The following TAF6 variants were observed in gnomAD, a reference collection of about 807,000 sequenced individuals.
TAF6 encodes transcription initiation factor TFIID subunit 6.
TAF6 carries 50 observed loss-of-function variants against 73.5 expected under a neutral mutation model. The ratio of observed to expected loss-of-function variants is 0.68; its 90% CI spans 0.54 to 0.86. TAF6 has a LOEUF of 0.86. Among genes scored for constraint, TAF6 ranks in the 40% least tolerant of loss-of-function variants. The pLI is 0.00. For synonymous variants in TAF6, 424 were observed against 376.7 expected, an observed-to-expected ratio of 1.13 and a Z score of -1.45; for missense variants, 768 against 899.5, an observed-to-expected ratio of 0.85 and a Z score of 1.87.
At chr7:100,113,035 C>T (rs879567499) in intron 5 of TAF6, 118 bp from the exon 6 acceptor site, 117 of 1,406,174 alleles carry the variant, frequency 8.3e-5, no homozygotes, top group Non-Finnish European at 1.1e-4. Context: ...GAGGCCAAGG[C>T]GGGTGGATCA....
Position 100,110,093 on chromosome 7 carries a change from C to A in TAF6, c.1159-20G>T. The A allele has an allele frequency of 6.2e-7, 1 of 1,613,990 alleles. No individual in the cohort carries two copies. The highest frequency in any genetic ancestry group is 8.5e-7 in the Non-Finnish European group (1 of 1,179,974). ...GATAACCTGTTAGAAGGGAAAAGGA[C>A]AAGCAAAAGCCGGAGGGTCACCAGG... On this transcript the variant is annotated intron_variant, in intron 11 of 14. Coordinates refer to ENST00000453269, the MANE Select transcript of TAF6 (RefSeq NM_139315.3).
chr7:100,110,030 TC>T lies in TAF6; in HGVS notation c.1201del (p.Glu401SerfsTer12), dbSNP rs752460213. On this transcript the variant is annotated frameshift_variant, in exon 12 of 15. Transcript: ENST00000453269. LOFTEE classifies it high-confidence loss of function. ...GCCGTCCAGCACACTGCGGATCCGC[TC>T]CCCTTCCTGCTGCAGCCGGGGCAGA... The part of the protein sequence containing the change: ...LILPRLQQEG[E>X]RIRSVLDGPV... 5.6e-6 allele frequency: 9 copies of T among 1,614,022 alleles called. No individual in the cohort carries two copies. Among genetic ancestry groups the T allele is most frequent in the Non-Finnish European group, 7.6e-6 (9 of 1,180,010 alleles).
the TAF6 span, chr7:100,125,308 A>G: frequency 1.1e-4 from 19 of 167,736 alleles, no homozygotes; most frequent in Admixed American, 5.5e-4. Context: ...ATCTATATAC[A>G]TTGCCTGTAT....
At chr7:100,122,450 C>T, upstream of TAF6, 1 of 1,614,080 alleles carries the variant, frequency 6.2e-7, no homozygotes, top group South Asian at 1.1e-5. Flanking sequence ...CTACAGCATC[C>T]AGGGAATCTT....
the TAF6 span, among the ~76,000 whole-genome samples, chr7:100,126,367 G>A: frequency 1.3e-5 from 2 of 152,058 alleles, no homozygotes; most frequent in African/African-American, 2.4e-5. Flanking sequence ...AAATTTAGAG[G>A]GGCGTGCACG....
At chr7:100,119,638 C>T (rs1205102745), upstream of TAF6, 29 of 1,602,544 alleles carry the variant, frequency 1.8e-5, no homozygotes, top group African/African-American at 3.6e-4. Context: ...GCCGACCTTC[C>T]TCGGCTGGAT....
chr7:100,122,049 GAAAAA>G (rs111511573), upstream of TAF6: 56 of 314,286 alleles, frequency 1.8e-4, no homozygotes, highest in African/African-American at 1.0e-3. Context: ...GAGTCCGTCT[GAAAAA>G]AAAAAAAAAA....
chr7:100,107,646 C>G (rs769752012), intron 14 of TAF6, 23 bp from the exon 15 acceptor site: 1 of 1,605,274 alleles, frequency 6.2e-7, no homozygotes, highest in Non-Finnish European at 8.5e-7. Context: ...GAAAGGCAGG[C>G]CGCTTGCCCT....
rs771558018 is a variant in TAF6, at chr7:100,107,365, T to G, written c.1915A>C (p.Ser639Arg). 2 of 1,575,652 alleles carry G rather than the reference T, an allele frequency of 1.3e-6. No homozygotes were observed. Among genetic ancestry groups the G allele is most frequent in the Non-Finnish European group, 1.7e-6 (2 of 1,157,948 alleles). The change falls in exon 15 of 15, where the codon AGC (serine) becomes CGC (arginine). Residue 639 changes from serine to arginine, a missense_variant. Transcript: ENST00000453269. ...PPPASSPSPL[S>R]GSALCGGKQE... ...TTCCCCCCACAAAGGGCACTGCCGC[T>G]GAGTGGGGACGGGGACGATGCCGGG...
upstream of TAF6, chr7:100,122,728 G>A: frequency 6.3e-7 from 1 of 1,579,854 alleles, no homozygotes; most frequent in Non-Finnish European, 8.6e-7. Flanking sequence ...TGGCAGAAAG[G>A]GGAAGGGAGG....
At chr7:100,111,689 C>G (rs201797100) in intron 9 of TAF6, 39 bp downstream of exon 9, 1 of 1,602,244 alleles carries the variant, frequency 6.2e-7, no homozygotes, top group East Asian at 2.2e-5. Flanking sequence ...GCAGCAGGGT[C>G]CCTAGTCCCT....
At position 100,108,531 on chromosome 7, in the gene TAF6, C is replaced by T. The variant is rs1796812559; in HGVS notation, c.1294G>A (p.Ala432Thr). The part of the protein sequence containing the change: ...HVQSLLLKHC[A>T]PVLAKLRPPP... The stretch of plus-strand genomic sequence containing the variant: ...GGGCGCAGCTTTGCCAGAACAGGAG[C>T]ACAGTGTTTCTGCAGAACAGAAAAA... The change falls in exon 13 of 15, where the codon GCT becomes ACT. Residue 432 changes from alanine to threonine, a missense_variant. Coordinates refer to ENST00000453269, the MANE Select transcript of TAF6 (RefSeq NM_139315.3). 6.2e-7 allele frequency: 1 copy of T among 1,607,432 alleles called. No individual in the cohort carries two copies. Among genetic ancestry groups the T allele is most frequent in the African/African-American group, 1.3e-5 (1 of 74,744 alleles).
At chr7:100,112,720 CAA>C in intron 6 of TAF6, 76 bp downstream of exon 6, 3 of 1,460,412 alleles carry the variant, frequency 2.1e-6, no homozygotes, top group Non-Finnish European at 1.8e-6. Flanking sequence ...GTCTCAAAAA[CAA>C]AAAAAAAGGA....
At chr7:100,109,456 A>G (rs1472070673) in intron 12 of TAF6, among the ~76,000 whole-genome samples, 1 of 152,132 alleles carries the variant, frequency 6.6e-6, no homozygotes, top group Non-Finnish European at 1.5e-5. Flanking sequence ...TAACAGGAGC[A>G]TTGGGGAAGG....
chr7:100,111,368 C>G, intron 9 of TAF6, 47 bp from the exon 10 acceptor site: 1 of 1,589,224 alleles, frequency 6.3e-7, no homozygotes, highest in East Asian at 2.3e-5. Flanking sequence ...TGTTTGTCTG[C>G]TTGAGATAAA....
At chr7:100,124,413 C>T (rs1798159738), upstream of TAF6, 10 of 872,044 alleles carry the variant, frequency 1.1e-5, no homozygotes. Flanking sequence ...TTCCTGGCTA[C>T]CTGCCTCTCC....
At chr7:100,112,394 G>A in intron 6 of TAF6, 141 bp from the exon 7 acceptor site, 4 of 1,246,300 alleles carry the variant, frequency 3.2e-6, no homozygotes, top group Non-Finnish European at 4.4e-6. Context: ...TGGGGCTCTG[G>A]CCCTGACCTC....
chr7:100,107,600 G>A lies in TAF6; in HGVS notation c.1680C>T (p.Ala560=). ...AAGTGGTGGTGGAACCTGAGCCGGG[G>A]GCCGAGGTGCTGAGGGACAGGACCT... ...TQQVLSLSTS[A]PGSGSTTTSP... is the part of the protein sequence containing the mutation. Residue 560 remains alanine, a synonymous_variant, in exon 15 of 15, where the codon GCC becomes GCT. Coordinates refer to ENST00000453269, the MANE Select transcript of TAF6 (RefSeq NM_139315.3). 2 of 1,613,420 alleles carry A rather than the reference G, an allele frequency of 1.2e-6. No homozygotes were observed. Among genetic ancestry groups the A allele is most frequent in the Non-Finnish European group, 1.7e-6 (2 of 1,179,828 alleles).
At chr7:100,124,698 T>G (rs370237867), upstream of TAF6, 4 of 1,613,296 alleles carry the variant, frequency 2.5e-6, no homozygotes, top group Non-Finnish European at 1.7e-6. Flanking sequence ...GACTAATATC[T>G]AAATTGTTTT....
Sources: allele counts gnomAD v4.1 joint callset (sites outside exome capture counted in the v4.1 genomes callset), GRCh38; gene constraint gnomAD v4.1.1; transcripts MANE v1.5; gene names NCBI Gene and HGNC (gene_info 2026-07-23, HGNC 2026-07-21).